The following INPP5D variants were observed in gnomAD, a reference collection of about 807,000 sequenced individuals.
The protein encoded by INPP5D is inositol polyphosphate-5-phosphatase D.
A neutral mutation model predicts 122.9 loss-of-function variants in INPP5D; 33 were observed. That is an observed-to-expected ratio of 0.27 (90% CI 0.20 to 0.36). INPP5D has a LOEUF of 0.36. INPP5D is among the 10% of genes least tolerant of loss of function. The pLI, the probability that INPP5D is intolerant of heterozygous loss-of-function variation, is 1.00. For missense variants in INPP5D, 1,053 were observed against 1,412.7 expected, an observed-to-expected ratio of 0.75 and a Z score of 4.08; for synonymous variants, 584 against 576.2, an observed-to-expected ratio of 1.01 and a Z score of -0.19.
At chr2:233,099,113 G>T (rs771372752) in intron 2 of INPP5D, among the ~76,000 whole-genome samples, 2 of 151,982 alleles carry the variant, frequency 1.3e-5, no homozygotes, top group Non-Finnish European at 2.9e-5. Flanking sequence ...ACCATGTCTG[G>T]CTAATTTTTG....
chr2:233,070,574 T>G (rs1691350683), intron 1 of INPP5D, among the ~76,000 whole-genome samples: 1 of 152,132 alleles, frequency 6.6e-6, no homozygotes, highest in African/African-American at 2.4e-5. Flanking sequence ...CCCGAGTAGC[T>G]GGGATTACAG....
At chr2:233,157,350 G>A (rs538926944) in intron 9 of INPP5D, among the ~76,000 whole-genome samples, 1 of 152,114 alleles carries the variant, frequency 6.6e-6, no homozygotes, top group African/African-American at 2.4e-5. Context: ...TCTGGGAAAG[G>A]CTCCCTCAGG....
At chr2:233,178,612 A>G (rs1416791767) in intron 18 of INPP5D, among the ~76,000 whole-genome samples, 1 of 151,984 alleles carries the variant, frequency 6.6e-6, no homozygotes, top group Non-Finnish European at 1.5e-5. Flanking sequence ...ACTCCCGAGT[A>G]GCTGGGATAT....
chr2:233,181,967 G>A (rs185979399), intron 18 of INPP5D, among the ~76,000 whole-genome samples: 295 of 152,248 alleles, frequency 1.9e-3, no homozygotes, highest in African/African-American at 5.9e-3. Context: ...ATGGTGACAC[G>A]CACCTGTACT....
chr2:233,107,481 T>G (rs918781533), intron 2 of INPP5D, among the ~76,000 whole-genome samples: 1 of 152,128 alleles, frequency 6.6e-6, no homozygotes, highest in South Asian at 2.1e-4. Context: ...AAGAGGGTGT[T>G]GGCTATGAAC....
At chr2:233,141,945 A>T (rs1003678327) in intron 6 of INPP5D, among the ~76,000 whole-genome samples, 20 of 152,222 alleles carry the variant, frequency 1.3e-4, no homozygotes, top group Non-Finnish European at 2.6e-4. Flanking sequence ...AGAAAAAAAA[A>T]TTTTTGCTTT....
At chr2:233,204,874 T>C in intron 26 of INPP5D, 157 bp downstream of exon 26, 2 of 1,203,540 alleles carry the variant, frequency 1.7e-6, no homozygotes, top group African/African-American at 1.6e-5. Flanking sequence ...ATGCGAGTGA[T>C]GGTCCTGGGA....
At chr2:233,124,537 G>A (rs1693095743) in intron 3 of INPP5D, among the ~76,000 whole-genome samples, 1 of 152,228 alleles carries the variant, frequency 6.6e-6, no homozygotes, top group Admixed American at 6.5e-5. Flanking sequence ...AGGTCAGGCT[G>A]TGGAAGAACT....
chr2:233,127,474 C>T (rs1235553031), intron 4 of INPP5D, among the ~76,000 whole-genome samples: 1 of 152,236 alleles, frequency 6.6e-6, no homozygotes, highest in African/African-American at 2.4e-5. Context: ...CTTTAAATGA[C>T]AACTTGCACA....
At chr2:233,089,750 C>T (rs1691942461) in intron 2 of INPP5D, among the ~76,000 whole-genome samples, 2 of 152,226 alleles carry the variant, frequency 1.3e-5, no homozygotes, top group Non-Finnish European at 2.9e-5. Context: ...GGGAACTGAA[C>T]AACAGCCACC....
In INPP5D at chr2:233,078,403, C is replaced by T. The variant is rs1187918461; in HGVS notation, c.135-932C>T. 1.3e-5 allele frequency among the ~76,000 whole-genome samples: 2 copies of T among 152,194 alleles called. No individual in the cohort carries two copies. The highest frequency in any genetic ancestry group is 2.9e-5 in the Non-Finnish European group (2 of 68,032). On this transcript the variant is annotated intron_variant, in intron 1 of 26. Coordinates refer to ENST00000445964, the MANE Select transcript of INPP5D (RefSeq NM_001017915.3). This position sits in a 1 kb window ranked among gnomAD's most constrained non-coding sequence, Gnocchi z 4.6. ...CTAGGACCTTCTTGTTAGAAACAACCCCAAGACTTGCTCTCCAGCTGCTGG... is the reference window on the plus strand; with the variant it reads ...CTAGGACCTTCTTGTTAGAAACAACTCCAAGACTTGCTCTCCAGCTGCTGG...
At chr2:233,185,729 A>AAG in intron 20 of INPP5D, 114 bp from the exon 21 acceptor site, 1 of 1,201,170 alleles carries the variant, frequency 8.3e-7, no homozygotes, top group Middle Eastern at 2.1e-4. Context: ...AAAAAAAAAA[A>AAG]AAAAAAAAGG....
intron 1 of INPP5D, among the ~76,000 whole-genome samples, chr2:233,065,310 T>TC (rs1405940778): frequency 7.2e-6 from 1 of 138,744 alleles, no homozygotes; most frequent in Middle Eastern, 3.2e-3. Flanking sequence ...TTCTTGGGTT[T>TC]TTTTTTTTTT....
intron 9 of INPP5D, among the ~76,000 whole-genome samples, chr2:233,153,891 T>G (rs1440395236): frequency 6.6e-6 from 1 of 152,238 alleles, no homozygotes; most frequent in Non-Finnish European, 1.5e-5. Context: ...AGGATGCTGC[T>G]GGCCAGCCCC....
chr2:233,187,467 G>T (rs1050861079), intron 21 of INPP5D, among the ~76,000 whole-genome samples: 6 of 152,192 alleles, frequency 3.9e-5, no homozygotes, highest in African/African-American at 1.4e-4. Flanking sequence ...TCTTAAGCAG[G>T]CAGAGGGACC....
At chr2:233,202,648 C>A (rs1262065098) in intron 25 of INPP5D, among the ~76,000 whole-genome samples, 1 of 152,198 alleles carries the variant, frequency 6.6e-6, no homozygotes, top group Non-Finnish European at 1.5e-5. Flanking sequence ...GGGTTCCCAG[C>A]GATCCACAAT....
chr2:233,182,033 C>G (rs1694798519), intron 18 of INPP5D, among the ~76,000 whole-genome samples: 2 of 152,154 alleles, frequency 1.3e-5, no homozygotes, highest in Admixed American at 6.5e-5. Flanking sequence ...GAGGTGGAGG[C>G]TGCAGTGAGC....
intron 10 of INPP5D, among the ~76,000 whole-genome samples, chr2:233,161,455 G>T (rs543699409): frequency 2.0e-5 from 3 of 152,128 alleles, no homozygotes; most frequent in Non-Finnish European, 2.9e-5. Flanking sequence ...ATTTTTTTCT[G>T]TGCTGAGGCC....
chr2:233,186,786 G>T (rs1298822202), intron 21 of INPP5D, among the ~76,000 whole-genome samples: 1 of 113,516 alleles, frequency 8.8e-6, no homozygotes, highest in East Asian at 3.0e-4. Context: ...GCAGTGGCAT[G>T]ATCTCGGCTC....
Sources: gnomAD v4.1 joint callset for allele counts (sites outside exome capture counted in the v4.1 genomes callset) on GRCh38, gnomAD v4.1.1 for gene constraint, Gnocchi (gnomAD v3.1) non-coding constraint, MANE v1.5 for transcripts, NCBI Gene and HGNC (gene_info 2026-07-23, HGNC 2026-07-21) for gene names.